Variants in CLSTN2 observed in about 807,000 individuals in gnomAD.
The protein encoded by CLSTN2 is calsyntenin 2, also known as calsyntenin-2.
CLSTN2 carries 48 observed loss-of-function variants against 101.2 expected under a neutral mutation model. The observed-to-expected ratio is 0.47, with a 90% confidence interval of 0.38 to 0.60. The LOEUF (loss-of-function observed/expected upper bound fraction) is 0.60. Among genes scored for constraint, CLSTN2 ranks in the 20% least tolerant of loss-of-function variants. The pLI, the probability that CLSTN2 is intolerant of heterozygous loss-of-function variation, is 0.00. For missense variants in CLSTN2, 1,160 were observed against 1,238.2 expected (o/e 0.94, Z 0.95); for synonymous variants, 481 against 463.6 (o/e 1.04, Z -0.48).
intron 2 of CLSTN2, among the ~76,000 whole-genome samples, chr3:140,386,288 C>T (rs566564234): frequency 6.6e-6 from 1 of 152,188 alleles, no homozygotes; most frequent in Non-Finnish European, 1.5e-5. Context: ...CAAGTCATTC[C>T]AATTACAATT....
intron 2 of CLSTN2, among the ~76,000 whole-genome samples, chr3:140,330,851 G>A (rs767749750): frequency 2.0e-5 from 3 of 152,174 alleles, no homozygotes; most frequent in Admixed American, 6.5e-5. Flanking sequence ...GGCATTGTTC[G>A]TAGGCATCTA....
chr3:140,405,960 A>G (rs897279551), intron 4 of CLSTN2, among the ~76,000 whole-genome samples: 16 of 152,190 alleles, frequency 1.1e-4, no homozygotes, highest in African/African-American at 3.9e-4. Flanking sequence ...CATGGTGCTG[A>G]ACACTGGAAA....
intron 2 of CLSTN2, among the ~76,000 whole-genome samples, chr3:140,179,325 T>C (rs545633863): frequency 1.3e-5 from 2 of 151,538 alleles, no homozygotes; most frequent in South Asian, 2.1e-4. Context: ...TTTTTTTTTT[T>C]CAAAAATTGT....
chr3:140,203,138 G>T (rs1281363529), intron 2 of CLSTN2, among the ~76,000 whole-genome samples: 1 of 152,200 alleles, frequency 6.6e-6, no homozygotes, highest in Non-Finnish European at 1.5e-5. Flanking sequence ...AAGCCACTGA[G>T]ATTTGAAGTT....
intron 2 of CLSTN2, among the ~76,000 whole-genome samples, chr3:140,328,888 A>G (rs1159154916): frequency 2.0e-5 from 3 of 152,208 alleles, no homozygotes; most frequent in Admixed American, 2.0e-4. Flanking sequence ...TCTCCTTGAC[A>G]CTTTACTCCG....
intron 1 of CLSTN2, among the ~76,000 whole-genome samples, chr3:139,990,897 G>A (rs1936103288): frequency 2.0e-5 from 3 of 152,140 alleles, no homozygotes; most frequent in African/African-American, 7.2e-5. Flanking sequence ...TATATTAATT[G>A]TTATGTCTTC....
chr3:140,451,912 G>A (rs545024655), intron 6 of CLSTN2, among the ~76,000 whole-genome samples: 1 of 152,330 alleles, frequency 6.6e-6, no homozygotes, highest in African/African-American at 2.4e-5. Context: ...GGAGACCAAT[G>A]AGGATATTAG....
Position 140,546,640 on chromosome 3 carries a change from C to G in CLSTN2, c.1633C>G (p.Leu545Val), listed in dbSNP as rs1935591610. 12 of 1,613,780 alleles carry G rather than the reference C, an allele frequency of 7.4e-6. No homozygotes were observed. Among genetic ancestry groups the G allele is most frequent in the Non-Finnish European group, 1.0e-5 (12 of 1,179,920 alleles). ...CTGCCTGCAGGCCTGCAAGGAAGGGCTGGACATTAATTCCTTGGAAAGCCT... is the reference window on the plus strand; with the variant it reads ...CTGCCTGCAGGCCTGCAAGGAAGGGGTGGACATTAATTCCTTGGAAAGCCT... ...ISCLQACKEG[L>V]DINSLESLGQ... The change falls in exon 10 of 17, where the codon CTG becomes GTG. Residue 545 changes from leucine (L) to valine (V), a missense_variant. By Grantham distance (32) the Leu-to-Val change is conservative. Coordinates refer to ENST00000458420, the MANE Select transcript of CLSTN2 (RefSeq NM_022131.3).
chr3:140,425,954 C>T (rs966438679), intron 5 of CLSTN2, among the ~76,000 whole-genome samples: 1 of 152,088 alleles, frequency 6.6e-6, no homozygotes, highest in African/African-American at 2.4e-5. Context: ...TTGTTTTGTT[C>T]TGAGCTTTGA....
intron 1 of CLSTN2, among the ~76,000 whole-genome samples, chr3:140,107,911 C>CA (rs144195262): frequency 0.039 from 5,879 of 152,144 alleles, 157 homozygotes; most frequent in East Asian, 0.076. Context: ...AGAGGAGACT[C>CA]AAAAAAAGTG....
At chr3:140,199,890 C>A (rs2010696316) in intron 2 of CLSTN2, among the ~76,000 whole-genome samples, 1 of 152,196 alleles carries the variant, frequency 6.6e-6, no homozygotes, top group Non-Finnish European at 1.5e-5. Flanking sequence ...TTAATCCAAG[C>A]CAAACAGTGT....
intron 8 of CLSTN2, among the ~76,000 whole-genome samples, chr3:140,515,301 C>T (rs559445018): frequency 3.7e-4 from 56 of 151,946 alleles, no homozygotes; most frequent in African/African-American, 1.4e-3. Context: ...ATTTTTTCCC[C>T]AAAGAACCAG....
Position 140,337,554 on chromosome 3 carries a change from T to C in CLSTN2, c.233-66075T>C, listed in dbSNP as rs572013923. Among the ~76,000 whole-genome samples, 27 of 152,074 alleles carry C rather than the reference T, an allele frequency of 1.8e-4. 1 individual carries two copies. In the South Asian group the frequency reaches 5.0e-3, roughly 28 times the overall value. ...CATTACATTCACAGGTACCAGGGAG[T>C]TAGGATTTCTTTCAGGGGACACAGT... On this transcript the variant is annotated intron_variant, in intron 2 of 16. Transcript: ENST00000458420.
At chr3:140,246,920 A>G (rs2086523059) in intron 2 of CLSTN2, among the ~76,000 whole-genome samples, 1 of 152,162 alleles carries the variant, frequency 6.6e-6, no homozygotes, top group South Asian at 2.1e-4. Flanking sequence ...GGGTTATTAA[A>G]ATGGAAATAA....
intron 1 of CLSTN2, among the ~76,000 whole-genome samples, chr3:140,030,422 A>T (rs2007522520): frequency 6.6e-6 from 1 of 152,032 alleles, no homozygotes; most frequent in African/African-American, 2.4e-5. Context: ...TGGAAGGCTA[A>T]GAAGTAGACA....
At chr3:140,234,485 C>T (rs753953833) in intron 2 of CLSTN2, among the ~76,000 whole-genome samples, 2 of 152,160 alleles carry the variant, frequency 1.3e-5, no homozygotes, top group Non-Finnish European at 2.9e-5. Flanking sequence ...AAAGTAACAT[C>T]TAGCTACCAA....
chr3:140,146,013 CA>C (rs2009775989), intron 1 of CLSTN2, among the ~76,000 whole-genome samples: 1 of 152,206 alleles, frequency 6.6e-6, no homozygotes, highest in Non-Finnish European at 1.5e-5. Context: ...GACATGGGGT[CA>C]TAAAATGCTT....
At chr3:140,391,483 C>T (rs1251663030) in intron 2 of CLSTN2, among the ~76,000 whole-genome samples, 1 of 152,138 alleles carries the variant, frequency 6.6e-6, no homozygotes, top group Non-Finnish European at 1.5e-5. Context: ...ACTTTGCTTG[C>T]TCTCTATCCC....
chr3:140,481,218 T>G (rs1934109983), intron 8 of CLSTN2, among the ~76,000 whole-genome samples: 2 of 152,110 alleles, frequency 1.3e-5, no homozygotes, highest in East Asian at 1.9e-4. Flanking sequence ...TTTCCCCATT[T>G]CTTGTTTTTG....
Sources: gnomAD v4.1 joint callset for allele counts (sites outside exome capture counted in the v4.1 genomes callset) on GRCh38, gnomAD v4.1.1 for gene constraint, MANE v1.5 for transcripts, NCBI Gene and HGNC (gene_info 2026-07-23, HGNC 2026-07-21) for gene names.